FNDC3B: variants seen among roughly 807,000 people sequenced by gnomAD.
FNDC3B encodes the protein fibronectin type III domain-containing protein 3B.
In FNDC3B, 12 loss-of-function variants were observed where a neutral mutation model predicts 151.5. That is an observed-to-expected ratio of 0.08 (90% confidence interval 0.05 to 0.13). The LOEUF is 0.13. Among genes scored for constraint, FNDC3B ranks in the 10% least tolerant of loss-of-function variants. FNDC3B has a pLI of 1.00. For synonymous variants in FNDC3B, 528 were observed against 549.0 expected (o/e 0.96, Z 0.54); for missense variants, 1,214 against 1,505.3 (o/e 0.81, Z 3.20).
chr3:172,380,923 A>G (rs1350105926), intron 24 of FNDC3B, 43 bp from the exon 25 acceptor site: 1 of 1,606,394 alleles, frequency 6.2e-7, no homozygotes, highest in East Asian at 2.2e-5. Context: ...TATTAACATG[A>G]TACTTTGAAT....
At chr3:172,109,482 G>A (rs959701050) in intron 1 of FNDC3B, among the ~76,000 whole-genome samples, 2 of 152,242 alleles carry the variant, frequency 1.3e-5, no homozygotes, top group South Asian at 2.1e-4. Flanking sequence ...TTGGATTCTA[G>A]CAAGCTGGTG....
At chr3:172,262,345 A>G (rs1389117349) in intron 6 of FNDC3B, among the ~76,000 whole-genome samples, 1 of 152,190 alleles carries the variant, frequency 6.6e-6, no homozygotes, top group African/African-American at 2.4e-5. Context: ...TCTCCATGTG[A>G]ATACATCTCC....
chr3:172,316,385 A>T, intron 11 of FNDC3B: 1 of 454,414 alleles, frequency 2.2e-6, no homozygotes, highest in South Asian at 1.6e-5. Flanking sequence ...GATTGAGGAT[A>T]TAGAGGGCTC....
At chr3:172,397,119 A>G (rs1736329037) in intron 25 of FNDC3B, 45 bp from the exon 26 acceptor site, 3 of 1,456,254 alleles carry the variant, frequency 2.1e-6, no homozygotes, top group African/African-American at 2.8e-5. Flanking sequence ...TAGAGACAAC[A>G]GTGTTGCTAT....
chr3:172,059,834 A>G (rs1420931680), intron 1 of FNDC3B, among the ~76,000 whole-genome samples: 1 of 152,208 alleles, frequency 6.6e-6, no homozygotes, highest in African/African-American at 2.4e-5. Context: ...TCTATAGTCC[A>G]GTGAATTAAA....
At chr3:172,385,476 T>C (rs1253086518) in intron 25 of FNDC3B, among the ~76,000 whole-genome samples, 1 of 152,126 alleles carries the variant, frequency 6.6e-6, no homozygotes, top group African/African-American at 2.4e-5. Flanking sequence ...TATTTATACC[T>C]GCAGTGGTGA....
intron 25 of FNDC3B, among the ~76,000 whole-genome samples, chr3:172,391,834 C>T (rs977347381): frequency 1.3e-5 from 2 of 152,170 alleles, no homozygotes; most frequent in Admixed American, 6.5e-5. Flanking sequence ...TGCAAATCAT[C>T]CCCTTCATGA....
intron 7 of FNDC3B, among the ~76,000 whole-genome samples, chr3:172,293,463 A>AT (rs1282628333): frequency 1.3e-5 from 2 of 152,134 alleles, no homozygotes; most frequent in Non-Finnish European, 2.9e-5. Flanking sequence ...ATTTCCCTAG[A>AT]TTTTTTATTC....
chr3:172,316,395 CTAGGT>C, intron 11 of FNDC3B: 1 of 455,040 alleles, frequency 2.2e-6, no homozygotes. Flanking sequence ...ATAGAGGGCT[CTAGGT>C]TAGGGAAGGG....
chr3:172,283,328 T>C (rs1186255898), intron 6 of FNDC3B, among the ~76,000 whole-genome samples: 1 of 152,218 alleles, frequency 6.6e-6, no homozygotes. Context: ...TCATGTGTAT[T>C]TGAAAGCAAG....
chr3:172,306,081 A>G (rs1444199848), intron 9 of FNDC3B, among the ~76,000 whole-genome samples: 1 of 152,234 alleles, frequency 6.6e-6, no homozygotes, highest in Non-Finnish European at 1.5e-5. Flanking sequence ...CATATCTATT[A>G]GTGCCTTTGA....
At chr3:172,164,726 C>T (rs535356980) in intron 3 of FNDC3B, among the ~76,000 whole-genome samples, 1 of 152,156 alleles carries the variant, frequency 6.6e-6, no homozygotes, top group East Asian at 1.9e-4. Context: ...TGCATTCTCA[C>T]TGGAGCTTTT....
intron 25 of FNDC3B, among the ~76,000 whole-genome samples, chr3:172,395,111 C>T (rs1736209153): frequency 6.6e-6 from 1 of 152,294 alleles, no homozygotes; most frequent in Non-Finnish European, 1.5e-5. Flanking sequence ...GCACTAACTT[C>T]ATGCCAGGTG....
Position 172,398,088 on chromosome 3 carries a change from T to C in FNDC3B, c.*613T>C, listed in dbSNP as rs1736385908. On this transcript the variant is annotated 3_prime_UTR_variant, in exon 26 of 26. Coordinates refer to ENST00000415807, the MANE Select transcript of FNDC3B (RefSeq NM_022763.4). ...ATGTTTTAATAATCTGTATTTCTTA[T>C]AATTTTAACACTATGAGCTGCCTGT... 6.6e-6 allele frequency: 1 copy of C among 152,660 alleles called. No homozygotes were observed. Among genetic ancestry groups the C allele is most frequent in the Admixed American group, 6.5e-5 (1 of 15,272 alleles). 9.5% of individuals were successfully genotyped at this position (152,660 alleles called of 1,614,324 possible). A position where few individuals can be genotyped will look rare whatever the true frequency, so the allele number is the denominator to read the frequency against.
chr3:172,059,263 T>TA lies in FNDC3B; in HGVS notation c.-29+19501dup, dbSNP rs111346033. 8.6e-5 allele frequency among the ~76,000 whole-genome samples: 13 copies of TA among 151,348 alleles called. No homozygotes were observed. In the East Asian group the frequency reaches 1.5e-3, roughly 18 times the overall value. ...ATATTTTCTGAATTTATATTTCACTTAAAAAAAAAGAGTGAGGTTTCTAGT... is the reference window on the plus strand; with the variant it reads ...ATATTTTCTGAATTTATATTTCACTTAAAAAAAAAAGAGTGAGGTTTCTAGT... On this transcript the variant is annotated intron_variant, in intron 1 of 25. Coordinates refer to ENST00000415807, the MANE Select transcript of FNDC3B (RefSeq NM_022763.4).
chr3:172,058,829 T>G (rs1717043948), intron 1 of FNDC3B, among the ~76,000 whole-genome samples: 1 of 152,226 alleles, frequency 6.6e-6, no homozygotes, highest in Admixed American at 6.5e-5. Flanking sequence ...CATATATTTG[T>G]TTTGTATTGA....
At chr3:172,295,240 T>G in intron 7 of FNDC3B, 123 bp from the exon 8 acceptor site, 1 of 869,702 alleles carries the variant, frequency 1.1e-6, no homozygotes, top group Non-Finnish European at 1.8e-6. Context: ...ATATAAGATG[T>G]CTTTCATTGT....
At chr3:172,256,895 G>A (rs1334710858) in intron 6 of FNDC3B, among the ~76,000 whole-genome samples, 1 of 152,100 alleles carries the variant, frequency 6.6e-6, no homozygotes, top group Non-Finnish European at 1.5e-5. Context: ...AGATGGTGAA[G>A]GGAGAGGAAA....
chr3:172,082,233 T>C (rs1718315476), intron 1 of FNDC3B, among the ~76,000 whole-genome samples: 1 of 152,232 alleles, frequency 6.6e-6, no homozygotes, highest in Non-Finnish European at 1.5e-5. Context: ...CTGACCAATA[T>C]ATGTTTTCAT....
Sources: allele counts gnomAD v4.1 joint callset (sites outside exome capture counted in the v4.1 genomes callset), GRCh38; gene constraint gnomAD v4.1.1; transcripts MANE v1.5; gene names NCBI Gene and HGNC (gene_info 2026-07-23, HGNC 2026-07-21).